The following RBPMS variants were observed in gnomAD, a reference collection of about 807,000 sequenced individuals.
RBPMS encodes the protein RNA-binding protein with multiple splicing.
In RBPMS, 7 loss-of-function variants were observed where a neutral mutation model predicts 26.8. The ratio of observed to expected loss-of-function variants is 0.26; its 90% CI spans 0.15 to 0.49. The LOEUF (loss-of-function observed/expected upper bound fraction) is 0.49. Ranked by LOEUF, RBPMS falls within the 20% of genes least tolerant of loss-of-function variation. The pLI is 0.98. For synonymous variants in RBPMS, 96 were observed against 93.3 expected (o/e 1.03, Z -0.17); for missense variants, 186 against 250.0 (o/e 0.74, Z 1.73).
At chr8:30,549,382 G>A in intron 6 of RBPMS, 1 of 826,402 alleles carries the variant, frequency 1.2e-6, no homozygotes, top group Admixed American at 1.8e-5. Context: ...GAAAACGACA[G>A]CTTTGAAGGA....
At chr8:30,391,363 T>C (rs1237281619) in intron 1 of RBPMS, among the ~76,000 whole-genome samples, 1 of 152,212 alleles carries the variant, frequency 6.6e-6, no homozygotes, top group Non-Finnish European at 1.5e-5. Flanking sequence ...ACAGCCACTT[T>C]GGAATGTTTG....
intron 1 of RBPMS, among the ~76,000 whole-genome samples, chr8:30,427,752 T>A (rs1018825679): frequency 2.6e-5 from 4 of 152,116 alleles, no homozygotes; most frequent in Non-Finnish European, 4.4e-5. Context: ...TTTATACAAG[T>A]GGGTTGTGGG....
At chr8:30,488,522 C>T (rs766446057) in intron 4 of RBPMS, among the ~76,000 whole-genome samples, 4 of 152,082 alleles carry the variant, frequency 2.6e-5, no homozygotes, top group Non-Finnish European at 5.9e-5. Context: ...CTGTTCACAC[C>T]TCTTAGAATG....
chr8:30,542,298 G>C (rs1285863282), intron 5 of RBPMS, among the ~76,000 whole-genome samples: 1 of 152,230 alleles, frequency 6.6e-6, no homozygotes, highest in East Asian at 1.9e-4. Flanking sequence ...TAAAAACAGA[G>C]AAAAGTCTGG....
intron 6 of RBPMS, chr8:30,549,560 G>T (rs1466065117): frequency 6.2e-7 from 1 of 1,614,100 alleles, no homozygotes; most frequent in Non-Finnish European, 8.5e-7. Context: ...TCCTGATAGT[G>T]CCAGCCTGGC....
In RBPMS at chr8:30,479,387, A is replaced by G. The variant is rs748658864; in HGVS notation, c.246+10A>G. The G allele has an allele frequency of 1.9e-6, 3 of 1,586,380 alleles. No homozygotes were observed. Among genetic ancestry groups the G allele is most frequent in the South Asian group, 1.1e-5 (1 of 87,940 alleles). The stretch of plus-strand genomic sequence containing the variant: ...AAAGAATGCTTTGAATGTAAGTACT[A>G]ATGATGTAATTGTAGGGGGTTTCCA... On this transcript the variant is annotated intron_variant, in intron 4 of 8. Transcript: ENST00000397323.
At chr8:30,521,854 T>C (rs1823072412) in intron 5 of RBPMS, among the ~76,000 whole-genome samples, 3 of 152,136 alleles carry the variant, frequency 2.0e-5, no homozygotes, top group Admixed American at 1.3e-4. Flanking sequence ...GGGTAAATCT[T>C]AGGTTGTGTT....
intron 5 of RBPMS, among the ~76,000 whole-genome samples, chr8:30,521,830 G>GATAA (rs1823068254): frequency 6.6e-6 from 1 of 152,090 alleles, no homozygotes; most frequent in Non-Finnish European, 1.5e-5. Context: ...TGGGAGTACA[G>GATAA]ATATTTGTTA....
intron 1 of RBPMS, among the ~76,000 whole-genome samples, chr8:30,456,233 C>T (rs1338952989): frequency 1.3e-5 from 2 of 152,026 alleles, no homozygotes; most frequent in African/African-American, 2.4e-5. Flanking sequence ...CAAATAAAAT[C>T]GAAAATTTCT....
At chr8:30,467,012 A>G (rs1028705357) in intron 1 of RBPMS, among the ~76,000 whole-genome samples, 1 of 152,208 alleles carries the variant, frequency 6.6e-6, no homozygotes, top group Non-Finnish European at 1.5e-5. Context: ...TTTAAGTCCA[A>G]TAGGTGACCA....
chr8:30,496,618 C>T (rs1303613908), intron 4 of RBPMS, among the ~76,000 whole-genome samples: 1 of 152,184 alleles, frequency 6.6e-6, no homozygotes, highest in East Asian at 1.9e-4. Context: ...TATTACTTAT[C>T]AGAGAACCTG....
At chr8:30,540,918 T>C (rs1046873680) in intron 5 of RBPMS, among the ~76,000 whole-genome samples, 1 of 152,210 alleles carries the variant, frequency 6.6e-6, no homozygotes, top group Non-Finnish European at 1.5e-5. Context: ...CTTGGGCAGC[T>C]GAGTGGAAGG....
chr8:30,534,130 A>G (rs147056800), intron 5 of RBPMS, among the ~76,000 whole-genome samples: 28,608 of 146,844 alleles, frequency 0.19, 2,999 homozygotes, highest in South Asian at 0.39. Context: ...GAGACTCTCA[A>G]AAAAAAAAAA....
At chr8:30,549,366 T>C (rs960745399) in intron 6 of RBPMS, 24 of 728,330 alleles carry the variant, frequency 3.3e-5, no homozygotes, top group Non-Finnish European at 5.6e-5. Flanking sequence ...TGGCTGTGGC[T>C]ATCCGGAAAA....
intron 7 of RBPMS, among the ~76,000 whole-genome samples, chr8:30,561,227 A>G (rs1055016896): frequency 2.6e-5 from 4 of 152,224 alleles, no homozygotes; most frequent in African/African-American, 9.6e-5. Flanking sequence ...GATATAGTCT[A>G]GGGTCTATGA....
chr8:30,518,715 T>C (rs867557565), intron 5 of RBPMS, among the ~76,000 whole-genome samples: 32 of 129,970 alleles, frequency 2.5e-4, no homozygotes, highest in African/African-American at 8.7e-4. Flanking sequence ...TTTTTTTTTT[T>C]CTGAAAAGGA....
intron 7 of RBPMS, among the ~76,000 whole-genome samples, chr8:30,559,199 C>A (rs1202057972): frequency 6.6e-6 from 1 of 152,198 alleles, no homozygotes; most frequent in Non-Finnish European, 1.5e-5. Flanking sequence ...CTGGCCTCCC[C>A]ACTTAAAAAT....
intron 6 of RBPMS, chr8:30,545,278 T>C: frequency 8.3e-7 from 1 of 1,207,278 alleles, no homozygotes; most frequent in Non-Finnish European, 1.0e-6. Flanking sequence ...CTGATTTTTA[T>C]AAACAAACTT....
rs1307779329 is a variant in RBPMS, at chr8:30,562,295, TA to T, written c.*7+3340del. 3 of 146,358 alleles carry T rather than the reference TA, an allele frequency of 2.0e-5. No individual in the cohort carries two copies. In the East Asian group the frequency reaches 6.1e-4, roughly 30 times the overall value. 9.1% of individuals were successfully genotyped at this position (146,358 alleles called of 1,614,324 possible). On this transcript the variant is annotated intron_variant, in intron 7 of 8. Coordinates refer to ENST00000397323, the MANE Select transcript of RBPMS (RefSeq NM_001008710.3). ...GCAGTGAGCCAAGATCATGCCACTGTACTCTGGCCTGGGCGACAGAGCAAGA... is the reference window on the plus strand; with the variant it reads ...GCAGTGAGCCAAGATCATGCCACTGTCTCTGGCCTGGGCGACAGAGCAAGA...
Sources: allele counts gnomAD v4.1 joint callset (sites outside exome capture counted in the v4.1 genomes callset), GRCh38; gene constraint gnomAD v4.1.1; transcripts MANE v1.5; gene names NCBI Gene and HGNC (gene_info 2026-07-23, HGNC 2026-07-21).